PDE10A: variants seen among roughly 807,000 people sequenced by gnomAD.
The protein encoded by PDE10A is cAMP and cAMP-inhibited cGMP 3',5'-cyclic phosphodiesterase 10A.
Under a neutral mutation model 97.7 loss-of-function variants are expected in PDE10A, and 39 were observed. The observed-to-expected ratio is 0.40, with a 90% CI of 0.31 to 0.52. The LOEUF is 0.52. Among genes scored for constraint, PDE10A ranks in the 20% least tolerant of loss-of-function variants. PDE10A has a pLI of 0.56. For synonymous variants in PDE10A, 371 were observed against 376.8 expected, an observed-to-expected ratio of 0.98 and a Z score of 0.18; for missense variants, 731 against 1,047.8, an observed-to-expected ratio of 0.70 and a Z score of 4.17.
intron 1 of PDE10A, among the ~76,000 whole-genome samples, chr6:165,746,256 G>T (rs1792840038): frequency 6.6e-6 from 1 of 152,148 alleles, no homozygotes; most frequent in Non-Finnish European, 1.5e-5. Flanking sequence ...ATTTTTATAA[G>T]AACTACCATA....
intron 3 of PDE10A, among the ~76,000 whole-genome samples, chr6:165,470,632 A>C (rs1472203433): frequency 6.6e-6 from 1 of 152,158 alleles, no homozygotes; most frequent in African/African-American, 2.4e-5. Flanking sequence ...GTATTTGGTT[A>C]CGCTTGTTTT....
intron 2 of PDE10A, among the ~76,000 whole-genome samples, chr6:165,527,266 C>G (rs999924217): frequency 6.6e-6 from 1 of 152,192 alleles, no homozygotes; most frequent in Non-Finnish European, 1.5e-5. Flanking sequence ...TTACTCCAGC[C>G]CATTTATTGA....
chr6:165,573,205 A>G (rs1050214591), intron 1 of PDE10A, among the ~76,000 whole-genome samples: 6 of 151,946 alleles, frequency 3.9e-5, no homozygotes, highest in African/African-American at 7.2e-5. Context: ...ACGACATTTT[A>G]TAGAATAATG....
At chr6:165,801,622 G>C (rs553947266) in intron 1 of PDE10A, among the ~76,000 whole-genome samples, 12 of 152,312 alleles carry the variant, frequency 7.9e-5, no homozygotes, top group African/African-American at 2.9e-4. Context: ...CATGTTAATT[G>C]TCTCAAGTCA....
At chr6:165,843,104 C>T (rs983187731) in intron 1 of PDE10A, among the ~76,000 whole-genome samples, 1 of 152,226 alleles carries the variant, frequency 6.6e-6, no homozygotes, top group Non-Finnish European at 1.5e-5. Flanking sequence ...GGTCAGCCAG[C>T]GCCCAGCCCC....
At chr6:165,744,455 T>C (rs891739814) in intron 1 of PDE10A, among the ~76,000 whole-genome samples, 2 of 152,228 alleles carry the variant, frequency 1.3e-5, no homozygotes, top group African/African-American at 2.4e-5. Flanking sequence ...GAAGTTTGTA[T>C]TATTGGTGAT....
chr6:165,883,539 C>G, intron 1 of PDE10A, among the ~76,000 whole-genome samples: 1 of 58,948 alleles, frequency 1.7e-5, no homozygotes, highest in East Asian at 9.8e-4. Context: ...GACTCCGTCT[C>G]AAAAAAAAAA....
intron 19 of PDE10A, among the ~76,000 whole-genome samples, chr6:165,342,190 A>G (rs1782014709): frequency 1.4e-5 from 2 of 146,322 alleles, no homozygotes; most frequent in Admixed American, 6.8e-5. Flanking sequence ...TAAATTTTTT[A>G]TATTTCTAGG....
intron 1 of PDE10A, among the ~76,000 whole-genome samples, chr6:165,716,371 C>T (rs1310266634): frequency 2.0e-5 from 3 of 152,186 alleles, no homozygotes; most frequent in Non-Finnish European, 4.4e-5. Flanking sequence ...GCTGCCTGGG[C>T]CTCCCAAGGA....
At chr6:165,397,812 C>A (rs1786298276) in intron 13 of PDE10A, among the ~76,000 whole-genome samples, 1 of 151,560 alleles carries the variant, frequency 6.6e-6, no homozygotes, top group Non-Finnish European at 1.5e-5. Flanking sequence ...ATCTCAAAGT[C>A]CTCTTGGTCT....
intron 1 of PDE10A, among the ~76,000 whole-genome samples, chr6:165,651,726 T>G (rs1034844482): frequency 6.6e-6 from 1 of 152,108 alleles, no homozygotes; most frequent in South Asian, 2.1e-4. Flanking sequence ...AATTTCCTCA[T>G]TTTTTTTCTT....
At chr6:165,516,127 C>T (rs981133694) in intron 2 of PDE10A, among the ~76,000 whole-genome samples, 2 of 152,182 alleles carry the variant, frequency 1.3e-5, no homozygotes, top group African/African-American at 4.8e-5. Context: ...CTATCTAAGG[C>T]CAGCCCCTTC....
At chr6:165,653,815 A>G (rs563290529) in intron 1 of PDE10A, among the ~76,000 whole-genome samples, 5 of 147,534 alleles carry the variant, frequency 3.4e-5, no homozygotes, top group South Asian at 2.2e-4. Flanking sequence ...CCTTCCCCCA[A>G]TGCAAAGCTG....
chr6:165,629,521 CTT>C (rs35760840), intron 1 of PDE10A, among the ~76,000 whole-genome samples: 264 of 131,646 alleles, frequency 2.0e-3, no homozygotes, highest in African/African-American at 5.4e-3. Flanking sequence ...TATTAACAAC[CTT>C]TTTTTTTTTT....
intron 1 of PDE10A, among the ~76,000 whole-genome samples, chr6:165,558,277 A>G (rs955923277): frequency 6.6e-6 from 1 of 152,342 alleles, no homozygotes; most frequent in South Asian, 2.1e-4. Context: ...TGCAGCCATA[A>G]AAGAGGATGA....
At chr6:165,628,408 G>A (rs1327985591) in intron 1 of PDE10A, among the ~76,000 whole-genome samples, 2 of 152,014 alleles carry the variant, frequency 1.3e-5, no homozygotes, top group East Asian at 3.9e-4. Context: ...CTAGAGGGCA[G>A]TGACACGATC....
At chr6:165,745,358 A>G (rs900083623) in intron 1 of PDE10A, among the ~76,000 whole-genome samples, 4 of 152,178 alleles carry the variant, frequency 2.6e-5, no homozygotes, top group African/African-American at 4.8e-5. Context: ...TTTTAGTTGT[A>G]TTGGTTTTCA....
At chr6:165,765,060 G>C (rs1271001711) in intron 1 of PDE10A, among the ~76,000 whole-genome samples, 3 of 150,466 alleles carry the variant, frequency 2.0e-5, no homozygotes, top group Non-Finnish European at 4.4e-5. Flanking sequence ...TACAGAGTGT[G>C]GATTGGTGCA....
chr6:165,722,741 A>G (rs894976723), intron 1 of PDE10A, among the ~76,000 whole-genome samples: 1 of 152,118 alleles, frequency 6.6e-6, no homozygotes, highest in African/African-American at 2.4e-5. Flanking sequence ...ACATGTACGT[A>G]AGTTATATGA....
Sources: gnomAD v4.1 joint callset for allele counts (sites outside exome capture counted in the v4.1 genomes callset) on GRCh38, gnomAD v4.1.1 for gene constraint, MANE v1.5 for transcripts, NCBI Gene and HGNC (gene_info 2026-07-23, HGNC 2026-07-21) for gene names.